Variants in UNC79 observed in about 807,000 individuals in gnomAD.
UNC79 encodes protein unc-79 homolog.
Under a neutral mutation model 283.1 loss-of-function variants are expected in UNC79, and 37 were observed. The observed-to-expected ratio is 0.13, with a 90% CI of 0.10 to 0.17. The LOEUF (loss-of-function observed/expected upper bound fraction) is 0.17. Among genes scored for constraint, UNC79 ranks in the 10% least tolerant of loss-of-function variants. The pLI is 1.00. For synonymous variants in UNC79, 1,107 were observed against 1,200.2 expected (o/e 0.92, Z 1.61); for missense variants, 2,272 against 3,211.1 (o/e 0.71, Z 7.07).
intron 1 of UNC79, among the ~76,000 whole-genome samples, chr14:93,446,582 A>AGGG (rs966488238): frequency 6.6e-6 from 1 of 151,994 alleles, no homozygotes; most frequent in Non-Finnish European, 1.5e-5. Context: ...TTAGTAGAGA[A>AGGG]GGGGATTCAT....
At chr14:93,473,477 A>G (rs1452360762) in intron 2 of UNC79, among the ~76,000 whole-genome samples, 1 of 152,196 alleles carries the variant, frequency 6.6e-6, no homozygotes, top group Admixed American at 6.5e-5. Context: ...TGCCTGTTTA[A>G]ACTTCATTAT....
rs763655545 is a variant in UNC79, at chr14:93,431,067, C to T, written c.22+16C>T. 1.6e-5 allele frequency: 11 copies of T among 701,178 alleles called. No individual in the cohort carries two copies. Among genetic ancestry groups the T allele is most frequent in the South Asian group, 1.5e-4 (10 of 67,518 alleles). The allele number at this position is 701,178 out of a possible 1,614,324, so 43.4% of individuals were successfully genotyped here. ...GCGGAGCAGTGTAAGTAGCAGCCGG[C>T]CCGGCATTCCGGCCCGGCCTCGGCT... On this transcript the variant is annotated intron_variant, in intron 1 of 48. Transcript: ENST00000555664.
At chr14:93,703,661 T>C (rs1416057465) in intron 47 of UNC79, among the ~76,000 whole-genome samples, 1 of 152,210 alleles carries the variant, frequency 6.6e-6, no homozygotes, top group Non-Finnish European at 1.5e-5. Flanking sequence ...CACAATTCAA[T>C]GCATGACAAC....
intron 41 of UNC79, among the ~76,000 whole-genome samples, chr14:93,678,669 A>G (rs2073566976): frequency 6.6e-6 from 1 of 152,262 alleles, no homozygotes; most frequent in Non-Finnish European, 1.5e-5. Flanking sequence ...GAGGCCTGGC[A>G]TCATGGGGAA....
At chr14:93,469,522 C>T (rs2057389254) in intron 2 of UNC79, among the ~76,000 whole-genome samples, 1 of 152,132 alleles carries the variant, frequency 6.6e-6, no homozygotes, top group Non-Finnish European at 1.5e-5. Flanking sequence ...TGGCTGGCAT[C>T]TATAATCCCA....
chr14:93,443,083 G>A (rs529081019), intron 1 of UNC79, among the ~76,000 whole-genome samples: 30 of 152,174 alleles, frequency 2.0e-4, no homozygotes, highest in African/African-American at 6.7e-4. Flanking sequence ...AATTAGCCAG[G>A]CGTGGTAGTG....
chr14:93,669,605 A>G lies in UNC79; in HGVS notation c.6637-3746A>G, dbSNP rs78282858. On this transcript the variant is annotated intron_variant, in intron 40 of 48. Transcript: ENST00000555664. Reference sequence around the variant, plus strand: ...CAGTGTCAAGCCCTGTGGTAGCCCAATGTAAAATATTACAAGCCTTGTATG... The same window carrying G: ...CAGTGTCAAGCCCTGTGGTAGCCCAGTGTAAAATATTACAAGCCTTGTATG... Among the ~76,000 whole-genome samples, 891 of 152,300 alleles carry G rather than the reference A, an allele frequency of 5.9e-3. 7 individuals carry two copies. The highest frequency in any genetic ancestry group is 9.1e-3 in the Non-Finnish European group (621 of 68,024).
At chr14:93,467,450 G>A (rs572218760) in intron 1 of UNC79, among the ~76,000 whole-genome samples, 230 of 150,232 alleles carry the variant, frequency 1.5e-3, no homozygotes, top group African/African-American at 3.9e-3. Flanking sequence ...TTTGTGTGCC[G>A]AATACAATTA....
At chr14:93,392,542 C>T (rs1324489346) in intron 1 of UNC79, among the ~76,000 whole-genome samples, 1 of 152,132 alleles carries the variant, frequency 6.6e-6, no homozygotes, top group Non-Finnish European at 1.5e-5. Context: ...TATGCAATGA[C>T]TCTTCAGTCC....
At chr14:93,487,576 G>A (rs918771089) in intron 4 of UNC79, 87 bp from the exon 5 acceptor site, 4 of 1,016,048 alleles carry the variant, frequency 3.9e-6, no homozygotes, top group Admixed American at 5.5e-5. Context: ...TTTTTTTAAA[G>A]TTCCTTCTTA....
intron 1 of UNC79, among the ~76,000 whole-genome samples, chr14:93,339,594 C>G (rs959673646): frequency 6.6e-6 from 1 of 152,208 alleles, no homozygotes; most frequent in African/African-American, 2.4e-5. Flanking sequence ...CCACTGCGCC[C>G]GGCCTAGATG....
At chr14:93,413,859 C>G (rs1427476055) in intron 1 of UNC79, among the ~76,000 whole-genome samples, 1 of 133,402 alleles carries the variant, frequency 7.5e-6, no homozygotes, top group Non-Finnish European at 1.6e-5. Context: ...CCTTCACCCA[C>G]TTTTTGATGG....
chr14:93,638,723 G>A (rs1012616734), intron 32 of UNC79, among the ~76,000 whole-genome samples: 5 of 152,214 alleles, frequency 3.3e-5, no homozygotes, highest in African/African-American at 7.2e-5. Flanking sequence ...AGTAGTGGAG[G>A]CATCAGAAAT....
At chr14:93,675,738 A>G (rs1283702500) in intron 41 of UNC79, among the ~76,000 whole-genome samples, 2 of 152,172 alleles carry the variant, frequency 1.3e-5, no homozygotes, top group Non-Finnish European at 2.9e-5. Context: ...TGTACTTTCA[A>G]TGAATGGTCT....
At chr14:93,550,229 C>T (rs1676269314) in intron 14 of UNC79, among the ~76,000 whole-genome samples, 1 of 152,106 alleles carries the variant, frequency 6.6e-6, no homozygotes, top group African/African-American at 2.4e-5. Context: ...TTTTCGTTGC[C>T]TTTCCAATTT....
chr14:93,704,155 A>C (rs1387953584), intron 47 of UNC79, among the ~76,000 whole-genome samples: 1 of 152,220 alleles, frequency 6.6e-6, no homozygotes, highest in Non-Finnish European at 1.5e-5. Flanking sequence ...CACCTTCCAG[A>C]TCGCAGCCAG....
At chr14:93,578,158 T>TA in intron 18 of UNC79, 95 bp downstream of exon 18, 1 of 1,194,056 alleles carries the variant, frequency 8.4e-7, no homozygotes, top group Non-Finnish European at 1.2e-6. Flanking sequence ...TCTCCACACT[T>TA]ATCAAAATGA....
At chr14:93,394,151 C>T (rs767014214) in intron 1 of UNC79, among the ~76,000 whole-genome samples, 7 of 152,066 alleles carry the variant, frequency 4.6e-5, no homozygotes, top group Non-Finnish European at 8.8e-5. Context: ...CAGCTATTAT[C>T]CCATTCATCA....
chr14:93,461,976 G>GAAAGA lies in UNC79; in HGVS notation c.23-5687_23-5683dup, dbSNP rs1430792447. On this transcript the variant is annotated intron_variant, in intron 1 of 48. Transcript: ENST00000555664. Reference sequence around the variant, plus strand: ...AGGTTTTCAAGCAAAAAAAAAAAAAGAAAGAAAAGAAACACAAAAAAACAA... The same window carrying GAAAGA: ...AGGTTTTCAAGCAAAAAAAAAAAAAGAAAGAAAAGAAAAGAAACACAAAAAAACAA... Among the ~76,000 whole-genome samples the GAAAGA allele has an allele frequency of 4.0e-5, 6 of 149,118 alleles. No individual in the cohort carries two copies. The East Asian group carries it at 1.2e-3, about 29-fold the overall frequency.
Sources: allele counts gnomAD v4.1 joint callset (sites outside exome capture counted in the v4.1 genomes callset), GRCh38; gene constraint gnomAD v4.1.1; transcripts MANE v1.5; gene names NCBI Gene and HGNC (gene_info 2026-07-23, HGNC 2026-07-21).